CAP2: variants seen among roughly 807,000 people sequenced by gnomAD.
The protein encoded by CAP2 is cyclase associated actin cytoskeleton regulatory protein 2.
Under a neutral mutation model 57.7 loss-of-function variants are expected in CAP2, and 24 were observed. The ratio of observed to expected loss-of-function variants is 0.42; its 90% confidence interval spans 0.30 to 0.58. The LOEUF is 0.58. Ranked by LOEUF, CAP2 falls within the 20% of genes least tolerant of loss-of-function variation. The pLI, the probability that CAP2 is intolerant of heterozygous loss-of-function variation, is 0.22. For missense variants in CAP2, 501 were observed against 590.3 expected (o/e 0.85, Z 1.57); for synonymous variants, 194 against 207.2 (o/e 0.94, Z 0.55).
chr6:17,524,103 A>T (rs913291709), intron 7 of CAP2, among the ~76,000 whole-genome samples: 1 of 150,606 alleles, frequency 6.6e-6, no homozygotes, highest in African/African-American at 2.4e-5. Flanking sequence ...AAAAGGAGTA[A>T]GAAGTTTTCC....
intron 4 of CAP2, among the ~76,000 whole-genome samples, chr6:17,494,681 C>T (rs947607374): frequency 3.9e-5 from 6 of 152,244 alleles, no homozygotes; most frequent in African/African-American, 1.4e-4. Flanking sequence ...CTCTCTCCCC[C>T]TGTGATGGTT....
chr6:17,459,353 GC>G (rs1032223230), intron 3 of CAP2, among the ~76,000 whole-genome samples: 73 of 152,156 alleles, frequency 4.8e-4, no homozygotes, highest in African/African-American at 1.8e-3. Context: ...AAAGCATTTA[GC>G]CCCCAGATTC....
chr6:17,407,404 A>T (rs1279953128), intron 1 of CAP2, among the ~76,000 whole-genome samples: 1 of 151,912 alleles, frequency 6.6e-6, no homozygotes, highest in Non-Finnish European at 1.5e-5. Flanking sequence ...GCTTGAGCCC[A>T]GGAGCTCAAG....
chr6:17,436,549 C>G (rs1759893906), intron 3 of CAP2, among the ~76,000 whole-genome samples: 1 of 152,152 alleles, frequency 6.6e-6, no homozygotes, highest in African/African-American at 2.4e-5. Flanking sequence ...GGAATCACTG[C>G]TACCCCAAGG....
intron 7 of CAP2, among the ~76,000 whole-genome samples, chr6:17,537,056 G>A (rs531477777): frequency 5.3e-5 from 8 of 152,288 alleles, no homozygotes; most frequent in African/African-American, 1.7e-4. Context: ...ATCTTCAGGA[G>A]ATGAGCCCTC....
At chr6:17,404,176 G>A (rs1418088563) in intron 1 of CAP2, among the ~76,000 whole-genome samples, 1 of 152,190 alleles carries the variant, frequency 6.6e-6, no homozygotes, top group Non-Finnish European at 1.5e-5. Context: ...AGCCATTCAA[G>A]AATTAAAGGT....
chr6:17,417,240 T>TAACATTAATCTCAAGTACAGTTTTTTAA (rs1759304118), intron 1 of CAP2, among the ~76,000 whole-genome samples: 1 of 150,776 alleles, frequency 6.6e-6, no homozygotes, highest in African/African-American at 2.4e-5. Flanking sequence ...AACAAGGAAT[T>TAACATTAATCTCAAGTACAGTTTTTTAA]AACATTAATC....
At chr6:17,515,484 A>T (rs996954754) in intron 7 of CAP2, among the ~76,000 whole-genome samples, 1 of 152,128 alleles carries the variant, frequency 6.6e-6, no homozygotes, top group Non-Finnish European at 1.5e-5. Flanking sequence ...GAGTCCAAGG[A>T]CTGAAAAACT....
intron 1 of CAP2, among the ~76,000 whole-genome samples, chr6:17,404,924 G>T (rs1026834011): frequency 1.3e-4 from 20 of 152,108 alleles, no homozygotes; most frequent in African/African-American, 4.3e-4. Flanking sequence ...CTCACCAGAA[G>T]GTATTGTATG....
intron 4 of CAP2, among the ~76,000 whole-genome samples, chr6:17,503,949 G>A (rs1761905937): frequency 6.6e-6 from 1 of 152,174 alleles, no homozygotes. Flanking sequence ...TGCAGCAAAT[G>A]TTTTTGTTTT....
chr6:17,528,133 G>A (rs1466162436), intron 7 of CAP2, among the ~76,000 whole-genome samples: 1 of 152,146 alleles, frequency 6.6e-6, no homozygotes, highest in Non-Finnish European at 1.5e-5. Context: ...AAATAGGCTT[G>A]GTGTTAGAAG....
chr6:17,542,755 C>A, intron 9 of CAP2, 82 bp from the exon 10 acceptor site: 1 of 1,098,626 alleles, frequency 9.1e-7, no homozygotes, highest in Non-Finnish European at 1.4e-6. Context: ...ATACTTCATG[C>A]TGAGCTCGTA....
chr6:17,433,365 T>C (rs1759793201), intron 3 of CAP2, among the ~76,000 whole-genome samples: 1 of 152,246 alleles, frequency 6.6e-6, no homozygotes, highest in South Asian at 2.1e-4. Context: ...CACGTTTCTG[T>C]GCTTTCAGGT....
At chr6:17,441,127 A>G (rs1760062238) in intron 3 of CAP2, among the ~76,000 whole-genome samples, 1 of 151,408 alleles carries the variant, frequency 6.6e-6, no homozygotes, top group Non-Finnish European at 1.5e-5. Flanking sequence ...TTCTTCTTAG[A>G]TCTTTTAATA....
At chr6:17,544,787 T>A (rs554166538) in intron 11 of CAP2, among the ~76,000 whole-genome samples, 2 of 152,274 alleles carry the variant, frequency 1.3e-5, no homozygotes, top group South Asian at 4.1e-4. Flanking sequence ...ACTCCTGACC[T>A]CAAGTGGTCC....
chr6:17,469,285 T>C (rs1760952767), intron 4 of CAP2, among the ~76,000 whole-genome samples: 2 of 152,362 alleles, frequency 1.3e-5, no homozygotes, highest in African/African-American at 4.8e-5. Flanking sequence ...GGTGGAGAAC[T>C]ATAGCTGAGG....
At chr6:17,536,766 C>T (rs557759308) in intron 7 of CAP2, among the ~76,000 whole-genome samples, 95 of 152,196 alleles carry the variant, frequency 6.2e-4, no homozygotes, top group African/African-American at 2.1e-3. Context: ...GTCCCTTCAC[C>T]GGCTGTATGA....
chr6:17,530,881 C>T (rs562652582), intron 7 of CAP2: 3 of 1,126,970 alleles, frequency 2.7e-6, no homozygotes, highest in East Asian at 4.7e-5. Context: ...GAAAAATAAT[C>T]ATGGTAGACA....
At chr6:17,424,412 G>A (rs997546277) in intron 2 of CAP2, among the ~76,000 whole-genome samples, 7 of 152,138 alleles carry the variant, frequency 4.6e-5, no homozygotes, top group African/African-American at 1.7e-4. Context: ...AAAAAAAAGA[G>A]AAACTTTTAG....
Sources: allele counts gnomAD v4.1 joint callset (sites outside exome capture counted in the v4.1 genomes callset), GRCh38; gene constraint gnomAD v4.1.1; transcripts MANE v1.5; gene names NCBI Gene and HGNC (gene_info 2026-07-23, HGNC 2026-07-21).